Variants in CSMD1 observed in about 807,000 individuals in gnomAD.
CSMD1 encodes CUB and Sushi multiple domains 1, also known as CUB and sushi domain-containing protein 1.
A neutral mutation model predicts 417.5 loss-of-function variants in CSMD1; 213 were observed. The observed-to-expected ratio is 0.51, with a 90% confidence interval of 0.46 to 0.57. The LOEUF (loss-of-function observed/expected upper bound fraction) is 0.57. CSMD1 is among the 20% of genes least tolerant of loss of function. CSMD1 has a pLI of 0.00. For missense variants in CSMD1, 6,923 were observed against 4,529.7 expected (o/e 1.53, Z -15.17); for synonymous variants, 2,862 against 1,736.8 (o/e 1.65, Z -16.11).
In CSMD1 at chr8:3,284,166, A is replaced by C; in HGVS notation, c.4131T>G (p.Ser1377=). 1 of 1,575,852 alleles carries C rather than the reference A, an allele frequency of 6.3e-7. No individual in the cohort carries two copies. The highest frequency in any genetic ancestry group is 1.2e-5 in the South Asian group (1 of 86,310). ...TACTGGAGAACTGGATGGAGAAGCC[A>C]GACTTGCTGATGAAGAAGTCGCTGT... ...QFDSDFFISK[S]GFSIQFSTSI... The change falls in exon 26 of 70, where the codon TCT becomes TCG. Residue 1377 remains serine (S), a synonymous_variant. Coordinates refer to ENST00000635120, the MANE Select transcript of CSMD1 (RefSeq NM_033225.6).
At chr8:3,918,398 A>T (rs1487986245) in intron 5 of CSMD1, among the ~76,000 whole-genome samples, 2 of 152,102 alleles carry the variant, frequency 1.3e-5, no homozygotes, top group Non-Finnish European at 2.9e-5. Context: ...AACAAATATC[A>T]CGTGATATAT....
chr8:4,610,014 G>T (rs564320301), intron 2 of CSMD1, among the ~76,000 whole-genome samples: 2 of 150,846 alleles, frequency 1.3e-5, no homozygotes, highest in Non-Finnish European at 1.5e-5. Flanking sequence ...CCATTGCTTT[G>T]TGTCAGGGTT....
chr8:3,891,499 A>G (rs567542380), intron 5 of CSMD1, among the ~76,000 whole-genome samples: 1 of 152,080 alleles, frequency 6.6e-6, no homozygotes, highest in African/African-American at 2.4e-5. Context: ...GGACAACATA[A>G]CAAGACCCCA....
intron 1 of CSMD1, among the ~76,000 whole-genome samples, chr8:4,729,628 G>T (rs1286286657): frequency 2.0e-5 from 3 of 152,180 alleles, no homozygotes; most frequent in Admixed American, 2.0e-4. Context: ...AGGTGAGAAA[G>T]GGGGGAATGC....
intron 30 of CSMD1, among the ~76,000 whole-genome samples, chr8:3,213,755 G>A (rs34568034): frequency 0.23 from 34,349 of 150,222 alleles, 4,621 homozygotes; most frequent in Non-Finnish European, 0.32. Flanking sequence ...ATATGTGTGT[G>A]TATGTATATA....
At position 3,751,224 on chromosome 8, in the gene CSMD1, T is replaced by C. The variant is rs1797320671; in HGVS notation, c.931+2706A>G. 5.9e-5 allele frequency among the ~76,000 whole-genome samples: 9 copies of C among 152,090 alleles called. No individual in the cohort carries two copies. The South Asian group carries it at 1.9e-3, about 32-fold the overall frequency. On this transcript the variant is annotated intron_variant, in intron 6 of 69. Transcript: ENST00000635120. Reference sequence around the variant, plus strand: ...GTTAAGCCAGGCTTACCTCTCTTGATACCTTCATACCTTTTGACCGTTTTA... The same window carrying C: ...GTTAAGCCAGGCTTACCTCTCTTGACACCTTCATACCTTTTGACCGTTTTA...
At chr8:4,125,950 C>G (rs1419968385) in intron 3 of CSMD1, among the ~76,000 whole-genome samples, 2 of 152,128 alleles carry the variant, frequency 1.3e-5, no homozygotes, top group Non-Finnish European at 2.9e-5. Flanking sequence ...TTCTGGGGAT[C>G]ACATTACTAT....
intron 3 of CSMD1, among the ~76,000 whole-genome samples, chr8:4,080,818 A>G (rs1800090999): frequency 6.6e-6 from 1 of 152,200 alleles, no homozygotes; most frequent in African/African-American, 2.4e-5. Flanking sequence ...ATAGCTAGAT[A>G]AAAATTCAAT....
chr8:4,615,552 G>A (rs952300019), intron 2 of CSMD1, among the ~76,000 whole-genome samples: 16 of 151,984 alleles, frequency 1.1e-4, no homozygotes, highest in South Asian at 6.2e-4. Flanking sequence ...AATGTGTGAG[G>A]GCCAATAGGT....
intron 5 of CSMD1, among the ~76,000 whole-genome samples, chr8:3,881,608 C>CAAAAAAAAAAAAAA (rs370466578): frequency 4.9e-5 from 5 of 102,520 alleles, no homozygotes; most frequent in African/African-American, 6.5e-5. Flanking sequence ...GACTCCATCT[C>CAAAAAAAAAAAAAA]AAAAAAAAAA....
intron 8 of CSMD1, among the ~76,000 whole-genome samples, chr8:3,596,402 G>A (rs1020962623): frequency 3.3e-5 from 5 of 152,144 alleles, no homozygotes; most frequent in African/African-American, 7.2e-5. Context: ...GGGCCTCCAC[G>A]ATAAGTCAAC....
intron 1 of CSMD1, among the ~76,000 whole-genome samples, chr8:4,986,433 T>G (rs1811182328): frequency 6.6e-6 from 1 of 152,216 alleles, no homozygotes; most frequent in African/African-American, 2.4e-5. Context: ...AATAGAGGCA[T>G]AGACATTCTT....
intron 3 of CSMD1, among the ~76,000 whole-genome samples, chr8:4,206,545 A>C (rs888779656): frequency 1.3e-5 from 2 of 152,156 alleles, no homozygotes; most frequent in African/African-American, 4.8e-5. Flanking sequence ...CTAGTATTCC[A>C]TGGTGTATAT....
At chr8:4,884,513 C>T (rs1169320836) in intron 1 of CSMD1, among the ~76,000 whole-genome samples, 4 of 151,860 alleles carry the variant, frequency 2.6e-5, no homozygotes, top group East Asian at 3.9e-4. Context: ...ATAATTTTAG[C>T]TCTTTCATTT....
intron 1 of CSMD1, among the ~76,000 whole-genome samples, chr8:4,649,025 C>G (rs952412607): frequency 6.6e-6 from 1 of 152,196 alleles, no homozygotes; most frequent in South Asian, 2.1e-4. Context: ...TATATATTCT[C>G]TTTGGCCGAG....
chr8:4,421,969 T>A (rs1395212228), intron 2 of CSMD1, among the ~76,000 whole-genome samples: 2 of 151,980 alleles, frequency 1.3e-5, no homozygotes, highest in African/African-American at 4.8e-5. Context: ...CATCAAATAT[T>A]ACTATGAACT....
At chr8:3,280,067 C>A (rs944346112) in intron 26 of CSMD1, among the ~76,000 whole-genome samples, 3 of 149,876 alleles carry the variant, frequency 2.0e-5, no homozygotes, top group East Asian at 2.0e-4. Flanking sequence ...GGCACATCGG[C>A]CCCCGGGGTA....
intron 10 of CSMD1, among the ~76,000 whole-genome samples, chr8:3,526,167 G>A (rs369427109): frequency 6.6e-6 from 1 of 151,952 alleles, no homozygotes; most frequent in Admixed American, 6.6e-5. Flanking sequence ...TCAGAAATGT[G>A]GCATATATCA....
chr8:3,418,526 G>A (rs912262324), intron 12 of CSMD1, among the ~76,000 whole-genome samples: 3 of 152,034 alleles, frequency 2.0e-5, no homozygotes, highest in African/African-American at 7.2e-5. Context: ...TTCCCTGACG[G>A]TCCCGCTGAT....
Sources: gnomAD v4.1 joint callset for allele counts (sites outside exome capture counted in the v4.1 genomes callset) on GRCh38, gnomAD v4.1.1 for gene constraint, MANE v1.5 for transcripts, NCBI Gene and HGNC (gene_info 2026-07-23, HGNC 2026-07-21) for gene names.